Variants in DOCK10 observed in about 807,000 individuals in gnomAD.
DOCK10 encodes dedicator of cytokinesis protein 10.
DOCK10 carries 145 observed loss-of-function variants against 280.1 expected under a neutral mutation model. The observed-to-expected ratio is 0.52, with a 90% CI of 0.45 to 0.59. The LOEUF (loss-of-function observed/expected upper bound fraction) is 0.59, where lower values mean the gene tolerates loss of function less well. DOCK10 is among the 20% of genes least tolerant of loss of function. The pLI, the probability that DOCK10 is intolerant of heterozygous loss-of-function variation, is 0.00. For synonymous variants in DOCK10, 915 were observed against 942.2 expected (o/e 0.97, Z 0.53); for missense variants, 2,368 against 2,651.7 (o/e 0.89, Z 2.35).
intron 1 of DOCK10, among the ~76,000 whole-genome samples, chr2:225,012,169 G>A (rs1689461747): frequency 6.6e-6 from 1 of 152,146 alleles, no homozygotes; most frequent in Non-Finnish European, 1.5e-5. Flanking sequence ...GGAAACTTGA[G>A]GCCCAGACAC....
intron 11 of DOCK10, among the ~76,000 whole-genome samples, chr2:224,871,504 T>C (rs1698285172): frequency 6.6e-6 from 1 of 152,180 alleles, no homozygotes; most frequent in Admixed American, 6.5e-5. Flanking sequence ...TTTAAAGTGC[T>C]TTAAACCATT....
intron 2 of DOCK10, 131 bp from the exon 3 acceptor site, chr2:224,916,915 T>C (rs1701360800): frequency 4.5e-6 from 3 of 664,548 alleles, no homozygotes; most frequent in South Asian, 3.8e-5. Context: ...GAGACACTTC[T>C]GTAGTTCTTC....
chr2:224,977,629 G>A (rs1024073063), intron 1 of DOCK10, among the ~76,000 whole-genome samples: 15 of 152,134 alleles, frequency 9.9e-5, no homozygotes, highest in African/African-American at 3.6e-4. Context: ...GTTTTTTTGA[G>A]TGAGAGATAA....
chr2:224,873,106 C>T lies in DOCK10; in HGVS notation c.1257+890G>A, dbSNP rs553194991. On this transcript the variant is annotated intron_variant, in intron 11 of 55. Coordinates refer to ENST00000258390, the MANE Select transcript of DOCK10 (RefSeq NM_014689.3). ...GCTCCTTTGTCATTTCTGATATTTA[C>T]ATGTCCCATCCTACTAGTATTTATT... Among the ~76,000 whole-genome samples, 4 of 152,282 alleles carry T rather than the reference C, an allele frequency of 2.6e-5. No homozygotes were observed. In the South Asian group the frequency reaches 6.2e-4, roughly 24 times the overall value.
intron 8 of DOCK10, among the ~76,000 whole-genome samples, chr2:224,875,456 T>A (rs1461348422): frequency 6.6e-6 from 1 of 152,154 alleles, no homozygotes; most frequent in Non-Finnish European, 1.5e-5. Flanking sequence ...TTTTCTAACC[T>A]TTTCACCTTT....
chr2:224,814,810 C>T (rs953754877), intron 30 of DOCK10, among the ~76,000 whole-genome samples: 12 of 152,148 alleles, frequency 7.9e-5, no homozygotes, highest in African/African-American at 2.7e-4. Flanking sequence ...GCATGAGCCA[C>T]CACCCTCAGC....
At chr2:224,900,301 T>C (rs1700224198) in intron 3 of DOCK10, among the ~76,000 whole-genome samples, 1 of 152,108 alleles carries the variant, frequency 6.6e-6, no homozygotes, top group African/African-American at 2.4e-5. Flanking sequence ...CAAAACTTTC[T>C]TTTTTTAAAG....
chr2:224,928,533 C>G (rs1314507226), intron 2 of DOCK10, among the ~76,000 whole-genome samples: 1 of 152,166 alleles, frequency 6.6e-6, no homozygotes, highest in Non-Finnish European at 1.5e-5. Context: ...GCAGGTCACC[C>G]ATGGGCGACA....
chr2:224,937,132 T>C (rs1216936612), intron 1 of DOCK10, among the ~76,000 whole-genome samples: 3 of 152,164 alleles, frequency 2.0e-5, no homozygotes, highest in East Asian at 1.9e-4. Flanking sequence ...TAGGGAACCA[T>C]CAACATCTGG....
intron 30 of DOCK10, among the ~76,000 whole-genome samples, 196 bp downstream of exon 30, chr2:224,816,421 A>C (rs1232140481): frequency 6.6e-6 from 1 of 152,126 alleles, no homozygotes; most frequent in Non-Finnish European, 1.5e-5. Context: ...ATATGAAGCC[A>C]TATTCATCAC....
intron 55 of DOCK10, chr2:224,768,969 G>A (rs1389240878): frequency 2.2e-6 from 1 of 454,704 alleles, no homozygotes. Flanking sequence ...AAAGAGAAAA[G>A]CATTTTTGTC....
intron 1 of DOCK10, among the ~76,000 whole-genome samples, chr2:225,008,230 C>T (rs190129954): frequency 6.6e-6 from 1 of 152,258 alleles, no homozygotes; most frequent in East Asian, 1.9e-4. Context: ...AATTCCTGGG[C>T]TCAACTGATC....
intron 30 of DOCK10, among the ~76,000 whole-genome samples, chr2:224,816,055 C>A (rs1332999479): frequency 4.6e-5 from 7 of 151,760 alleles, no homozygotes; most frequent in African/African-American, 1.7e-4. Context: ...AACCCCCTCC[C>A]CCGCAAGAAA....
intron 1 of DOCK10, chr2:224,983,443 T>C (rs571931011): frequency 4.9e-6 from 1 of 205,764 alleles, no homozygotes; most frequent in East Asian, 1.1e-4. Flanking sequence ...AAATCCCCAA[T>C]AGAATTCAAT....
At chr2:224,804,627 A>G (rs1223110903) in intron 38 of DOCK10, among the ~76,000 whole-genome samples, 167 bp downstream of exon 38, 1 of 152,140 alleles carries the variant, frequency 6.6e-6, no homozygotes, top group Non-Finnish European at 1.5e-5. Context: ...TACAATGCGT[A>G]TGAGGCAATC....
chr2:224,896,196 A>G, intron 4 of DOCK10, 99 bp downstream of exon 4: 1 of 646,078 alleles, frequency 1.5e-6, no homozygotes, highest in Non-Finnish European at 2.5e-6. Context: ...CCTTGACAGA[A>G]GATTAATGTA....
At chr2:225,022,609 A>G (rs1427401259) in intron 1 of DOCK10, among the ~76,000 whole-genome samples, 1 of 152,224 alleles carries the variant, frequency 6.6e-6, no homozygotes, top group African/African-American at 2.4e-5. Context: ...AACACTATCT[A>G]CTACCACCAG....
chr2:224,954,156 A>G (rs1703917760), intron 1 of DOCK10, among the ~76,000 whole-genome samples: 1 of 152,238 alleles, frequency 6.6e-6, no homozygotes, highest in South Asian at 2.1e-4. Flanking sequence ...GAGAATTCTC[A>G]TCAAATCAGA....
At position 224,854,909 on chromosome 2, in the gene DOCK10, C is replaced by T. The variant is rs1463577027; in HGVS notation, c.1888+54G>A. 4 of 1,412,110 alleles carry T rather than the reference C, an allele frequency of 2.8e-6. No individual in the cohort carries two copies. In the Admixed American group the frequency reaches 6.1e-5, roughly 21 times the overall value. 87.5% of individuals were successfully genotyped at this position (1,412,110 alleles called of 1,614,324 possible). Reference sequence around the variant, plus strand: ...CAACCAACCAACCAAAACAAACCCACTAAATATTCAATATTCAAAACTCTG... The same window carrying T: ...CAACCAACCAACCAAAACAAACCCATTAAATATTCAATATTCAAAACTCTG... On this transcript the variant is annotated intron_variant, in intron 16 of 55. Coordinates refer to ENST00000258390, the MANE Select transcript of DOCK10 (RefSeq NM_014689.3).
Sources: allele counts gnomAD v4.1 joint callset (sites outside exome capture counted in the v4.1 genomes callset), GRCh38; gene constraint gnomAD v4.1.1; transcripts MANE v1.5; gene names NCBI Gene and HGNC (gene_info 2026-07-23, HGNC 2026-07-21).